Variants in SFMBT2 observed in about 807,000 individuals in gnomAD.
The protein encoded by SFMBT2 is scm-like with four MBT domains protein 2.
Under a neutral mutation model 110.1 loss-of-function variants are expected in SFMBT2, and 38 were observed. That is an observed-to-expected ratio of 0.35 (90% CI 0.27 to 0.45). The LOEUF (loss-of-function observed/expected upper bound fraction) is 0.45. Ranked by LOEUF, SFMBT2 falls within the 20% of genes least tolerant of loss-of-function variation. The probability of loss-of-function intolerance (pLI) is 1.00; values close to 1 mark genes in which losing one functional copy is unlikely to be tolerated. For synonymous variants in SFMBT2, 425 were observed against 425.4 expected (o/e 1.00, Z 0.01); for missense variants, 1,011 against 1,094.9 (o/e 0.92, Z 1.08).
intron 4 of SFMBT2, among the ~76,000 whole-genome samples, chr10:7,311,171 T>C (rs7920106): frequency 0.64 from 96,976 of 151,494 alleles, 31,145 homozygotes; most frequent in East Asian, 0.69. Context: ...AATCTTAAGA[T>C]GTCCCATTAT....
At chr10:7,376,853 G>GC (rs1845233925) in intron 2 of SFMBT2, among the ~76,000 whole-genome samples, 1 of 9,924 alleles carries the variant, frequency 1.0e-4, no homozygotes, top group African/African-American at 7.4e-4. Context: ...GTGGACAGTG[G>GC]CAAAAAAAAA....
chr10:7,221,775 C>T (rs1839749983), intron 10 of SFMBT2, among the ~76,000 whole-genome samples: 1 of 151,954 alleles, frequency 6.6e-6, no homozygotes, highest in Non-Finnish European at 1.5e-5. Flanking sequence ...AACATTTTTA[C>T]ATAGAGTAAA....
chr10:7,377,333 GACTGGTTTTGTGGAAGACAATTAGGC>G (rs1312901152), intron 2 of SFMBT2, among the ~76,000 whole-genome samples: 1 of 152,168 alleles, frequency 6.6e-6, no homozygotes, highest in East Asian at 1.9e-4. Flanking sequence ...TGGCACCAGG[GACTGGTTTTGTGGAAGACAATTAGGC>G]ACCGGTTTTG....
At chr10:7,385,810 T>A (rs113127894) in intron 1 of SFMBT2, among the ~76,000 whole-genome samples, 1 of 151,984 alleles carries the variant, frequency 6.6e-6, no homozygotes, top group African/African-American at 2.4e-5. Context: ...CCATCCTGGC[T>A]AACACGGTGA....
rs138486122 is a variant in SFMBT2 at position 7,202,496 on chromosome 10, C to T, written c.1471G>A (p.Val491Met). The change falls in exon 13 of 21, where the codon GTG becomes ATG. Residue 491 changes from valine (V) to methionine (M), a missense_variant. Physicochemically the swap from Val to Met is conservative, Grantham distance 21. Around this residue, in one of 2 missense-constraint regions of SFMBT2, gnomAD observed 979 missense variants for 1,016.1 expected, o/e 0.96. Transcript: ENST00000397167. ...VSQKKRKIAV[V>M]QPEKQLPPTV... ...AGCACGTACTGTTTCTCTGGTTGCA[C>T]GACTGCAATCTTTCTCTTCTTTTGT... The T allele has an allele frequency of 3.2e-5, 52 of 1,614,112 alleles. No individual in the cohort carries two copies. The highest frequency in any genetic ancestry group is 2.7e-4 in the East Asian group (12 of 44,884).
At chr10:7,250,450 G>A (rs939471843) in intron 7 of SFMBT2, among the ~76,000 whole-genome samples, 1 of 152,134 alleles carries the variant, frequency 6.6e-6, no homozygotes, top group Non-Finnish European at 1.5e-5. Flanking sequence ...AATATTCCAT[G>A]GTATATATGT....
Position 7,379,184 on chromosome 10 carries a change from C to T in SFMBT2, c.100+2615G>A, listed in dbSNP as rs565500872. Reference sequence around the variant, plus strand: ...TCAGTTCAGAACCAGCTAAAGAACACTGGGTTTGCCTCCTCCTGTACGTGG... The same window carrying T: ...TCAGTTCAGAACCAGCTAAAGAACATTGGGTTTGCCTCCTCCTGTACGTGG... On this transcript the variant is annotated intron_variant, in intron 2 of 20. Coordinates refer to ENST00000397167, the MANE Select transcript of SFMBT2 (RefSeq NM_001387889.1). 2.0e-5 allele frequency among the ~76,000 whole-genome samples: 3 copies of T among 152,248 alleles called. No homozygotes were observed. The South Asian group carries it at 6.2e-4, about 32-fold the overall frequency.
Position 7,172,510 on chromosome 10 carries a change from G to C in SFMBT2, c.2136C>G (p.Thr712=). Residue 712 remains threonine (T), a synonymous_variant, in exon 18 of 21, where the codon ACC becomes ACG. Coordinates refer to ENST00000397167, the MANE Select transcript of SFMBT2 (RefSeq NM_001387889.1). The surrounding 1 kb of genome is among the most constrained non-coding windows in gnomAD (Gnocchi z 4.6). Reference sequence around the variant, plus strand: ...CAGAACATACCTCCCCCGAGCCCGCGGTGAAGTCCACGGCAGAAGACCTCC... The same window carrying C: ...CAGAACATACCTCCCCCGAGCCCGCCGTGAAGTCCACGGCAGAAGACCTCC... ...KKRRSSAVDF[T]AGSGEESEEE... 6.2e-7 allele frequency: 1 copy of C among 1,614,098 alleles called. No individual in the cohort carries two copies. Among genetic ancestry groups the C allele is most frequent in the Non-Finnish European group, 8.5e-7 (1 of 1,180,034 alleles).
At chr10:7,228,684 TTTCTTTC>T (rs1839977426) in intron 9 of SFMBT2, among the ~76,000 whole-genome samples, 2 of 103,442 alleles carry the variant, frequency 1.9e-5, no homozygotes, top group Admixed American at 1.9e-4. Flanking sequence ...TCTTTCTTTC[TTTCTTTC>T]TTTCTTTCTT....
chr10:7,211,413 C>T (rs1361802817), intron 11 of SFMBT2, among the ~76,000 whole-genome samples: 2 of 152,136 alleles, frequency 1.3e-5, no homozygotes, highest in Non-Finnish European at 2.9e-5. Context: ...CTGAACTTTG[C>T]TATGGTTCCT....
chr10:7,177,063 A>G (rs559143527), intron 16 of SFMBT2, among the ~76,000 whole-genome samples: 6 of 152,240 alleles, frequency 3.9e-5, no homozygotes, highest in African/African-American at 1.4e-4. Context: ...ACTTGCTTCC[A>G]CCTGCTCTCC....
intron 1 of SFMBT2, among the ~76,000 whole-genome samples, chr10:7,388,524 A>ATTTTTTTTTTTT (rs60231769): frequency 6.9e-4 from 77 of 112,082 alleles, no homozygotes; most frequent in Non-Finnish European, 1.1e-3. Context: ...TACCCAGCTA[A>ATTTTTTTTTTTT]TTTTTTTTTT....
rs147723641 is a variant in SFMBT2 at position 7,296,683 on chromosome 10, C to T, written c.437-10729G>A. ...TCTGTGATGGTTAATTTTATGTCAC[C>T]TTGCCTGGGCCACAGTGCCCAGATA... On this transcript the variant is annotated intron_variant, in intron 4 of 20. Transcript: ENST00000397167. 1.5e-4 allele frequency among the ~76,000 whole-genome samples: 23 copies of T among 152,334 alleles called. No individual in the cohort carries two copies. The East Asian group carries it at 4.4e-3, about 29-fold the overall frequency.
chr10:7,236,599 C>T (rs992534754), intron 9 of SFMBT2, among the ~76,000 whole-genome samples: 1 of 152,126 alleles, frequency 6.6e-6, no homozygotes, highest in South Asian at 2.1e-4. Flanking sequence ...CAATTCAATT[C>T]AAGCAAGAAA....
intron 4 of SFMBT2, among the ~76,000 whole-genome samples, chr10:7,359,625 G>A (rs993866357): frequency 1.3e-5 from 2 of 152,188 alleles, no homozygotes; most frequent in African/African-American, 4.8e-5. Context: ...ATGTAGCGCA[G>A]AAAAACCCAA....
chr10:7,203,193 G>T, intron 12 of SFMBT2: 2 of 846,788 alleles, frequency 2.4e-6, no homozygotes, highest in Non-Finnish European at 2.8e-6. Flanking sequence ...AACTTCTAAA[G>T]CTGCTAGAGT....
chr10:7,231,417 G>A (rs1459983694), intron 9 of SFMBT2, among the ~76,000 whole-genome samples: 2 of 152,158 alleles, frequency 1.3e-5, no homozygotes, highest in African/African-American at 2.4e-5. Flanking sequence ...CTGGCATGTG[G>A]GTAATCTTTA....
intron 2 of SFMBT2, among the ~76,000 whole-genome samples, chr10:7,379,875 A>C (rs1314422046): frequency 2.6e-5 from 4 of 152,186 alleles, no homozygotes; most frequent in Non-Finnish European, 5.9e-5. Flanking sequence ...CCCTTAACGA[A>C]ATGTCGGTAC....
chr10:7,263,114 G>C (rs1197279005), intron 7 of SFMBT2, among the ~76,000 whole-genome samples: 2 of 152,174 alleles, frequency 1.3e-5, no homozygotes, highest in African/African-American at 4.8e-5. Flanking sequence ...TGAGAGAACA[G>C]ACCCGGCTCC....
Sources: gnomAD v4.1 joint callset for allele counts (sites outside exome capture counted in the v4.1 genomes callset) on GRCh38, gnomAD v4.1.1 for gene constraint, gnomAD v4.1.1 regional missense constraint, Gnocchi (gnomAD v3.1) non-coding constraint, MANE v1.5 for transcripts, NCBI Gene and HGNC (gene_info 2026-07-23, HGNC 2026-07-21) for gene names.